Variants in PLCB1 observed in about 807,000 individuals in gnomAD.
PLCB1 encodes 1-phosphatidylinositol 4,5-bisphosphate phosphodiesterase beta-1.
A neutral mutation model predicts 161.8 loss-of-function variants in PLCB1; 46 were observed. The observed-to-expected ratio is 0.28, with a 90% confidence interval of 0.22 to 0.36. PLCB1 has a LOEUF of 0.36. Among genes scored for constraint, PLCB1 ranks in the 10% least tolerant of loss-of-function variants. PLCB1 has a pLI of 1.00. For synonymous variants in PLCB1, 517 were observed against 503.7 expected (o/e 1.03, Z -0.35); for missense variants, 1,016 against 1,472.5 (o/e 0.69, Z 5.07).
chr20:8,695,225 A>T (rs1357138423), intron 10 of PLCB1, among the ~76,000 whole-genome samples: 6 of 152,220 alleles, frequency 3.9e-5, no homozygotes, highest in Admixed American at 3.9e-4. Flanking sequence ...TAGAACTCAA[A>T]AATGTCATCC....
At chr20:8,492,703 G>T (rs953826256) in intron 3 of PLCB1, among the ~76,000 whole-genome samples, 2 of 152,058 alleles carry the variant, frequency 1.3e-5, no homozygotes, top group African/African-American at 4.8e-5. Flanking sequence ...GGAACTAAGA[G>T]TATCTGTCTG....
At chr20:8,881,441 A>G (rs754914412) in intron 31 of PLCB1, among the ~76,000 whole-genome samples, 181 bp from the exon 32 acceptor site, 2 of 152,090 alleles carry the variant, frequency 1.3e-5, no homozygotes, top group Non-Finnish European at 1.5e-5. Context: ...ACTTTCAGCT[A>G]CAGACAAATG....
chr20:8,641,386 C>T (rs1406891184), intron 4 of PLCB1, among the ~76,000 whole-genome samples: 1 of 152,230 alleles, frequency 6.6e-6, no homozygotes, highest in African/African-American at 2.4e-5. Flanking sequence ...TTCATTTACA[C>T]ATTCACTTAT....
At chr20:8,332,029 G>A (rs1985384906) in intron 2 of PLCB1, among the ~76,000 whole-genome samples, 1 of 152,188 alleles carries the variant, frequency 6.6e-6, no homozygotes, top group African/African-American at 2.4e-5. Context: ...ACCGTGAACT[G>A]GAAGATGTGA....
chr20:8,755,854 AGAT>A (rs1221171535), intron 23 of PLCB1, among the ~76,000 whole-genome samples: 1 of 152,242 alleles, frequency 6.6e-6, no homozygotes, highest in Admixed American at 6.5e-5. Context: ...AATTGTTTTC[AGAT>A]GATTAGCCTT....
intron 2 of PLCB1, among the ~76,000 whole-genome samples, chr20:8,360,263 G>A (rs1986493337): frequency 6.6e-6 from 1 of 152,166 alleles, no homozygotes; most frequent in Admixed American, 6.5e-5. Context: ...AGAAGCCAAA[G>A]GTAGTCAAAG....
At chr20:8,517,969 A>T (rs1325597668) in intron 3 of PLCB1, among the ~76,000 whole-genome samples, 3 of 152,070 alleles carry the variant, frequency 2.0e-5, no homozygotes, top group Admixed American at 6.5e-5. Flanking sequence ...GGATCATGAG[A>T]TCAAGAGATC....
chr20:8,218,159 A>G (rs1485699952), intron 2 of PLCB1, among the ~76,000 whole-genome samples: 1 of 152,142 alleles, frequency 6.6e-6, no homozygotes, highest in Non-Finnish European at 1.5e-5. Context: ...TGTTAGGGGC[A>G]TGTGCAGTGA....
intron 10 of PLCB1, among the ~76,000 whole-genome samples, chr20:8,697,272 AT>A (rs1383710005): frequency 9.9e-5 from 15 of 152,194 alleles, no homozygotes; most frequent in African/African-American, 1.4e-4. Context: ...CCATTTTATT[AT>A]GTGAAATGGG....
Position 8,843,123 on chromosome 20 carries a change from AT to A in PLCB1, c.3424-38497del, listed in dbSNP as rs1401399255. On this transcript the variant is annotated intron_variant, in intron 31 of 31. Coordinates refer to ENST00000338037, the MANE Select transcript of PLCB1 (RefSeq NM_015192.4). ...TACCAAAATATGTATTTGGATATAT[AT>A]TCTTTAATTGATGTTAACTTACACA... Among the ~76,000 whole-genome samples the A allele has an allele frequency of 7.9e-5, 12 of 152,364 alleles. No homozygotes were observed. The East Asian group carries it at 2.3e-3, about 29-fold the overall frequency.
At chr20:8,862,257 T>C (rs1193650232) in intron 31 of PLCB1, among the ~76,000 whole-genome samples, 4 of 152,244 alleles carry the variant, frequency 2.6e-5, no homozygotes, top group Non-Finnish European at 5.9e-5. Context: ...GTTCTTTCAC[T>C]TGAAATGTTA....
intron 2 of PLCB1, among the ~76,000 whole-genome samples, chr20:8,268,198 T>C (rs143568709): frequency 0.039 from 5,863 of 152,024 alleles, 370 homozygotes; most frequent in African/African-American, 0.13. Context: ...TTCCCACCTA[T>C]AAGTGAGAAC....
At chr20:8,855,826 G>A (rs907136641) in intron 31 of PLCB1, among the ~76,000 whole-genome samples, 4 of 152,122 alleles carry the variant, frequency 2.6e-5, no homozygotes, top group African/African-American at 9.7e-5. Flanking sequence ...CTTAAATTTT[G>A]TGGTCTTCAG....
chr20:8,562,568 A>G (rs1006985233), intron 3 of PLCB1, among the ~76,000 whole-genome samples: 1 of 152,108 alleles, frequency 6.6e-6, no homozygotes, highest in Non-Finnish European at 1.5e-5. Flanking sequence ...TTAACAATTG[A>G]TATTTGTGTG....
chr20:8,688,779 G>C (rs982248611), intron 10 of PLCB1, among the ~76,000 whole-genome samples: 11 of 152,198 alleles, frequency 7.2e-5, no homozygotes, highest in Non-Finnish European at 2.9e-5. Context: ...CAGGTAGTGT[G>C]ATGCTTCCAG....
intron 31 of PLCB1, among the ~76,000 whole-genome samples, chr20:8,870,232 C>T (rs932649302): frequency 2.6e-5 from 4 of 152,126 alleles, no homozygotes; most frequent in Non-Finnish European, 4.4e-5. Flanking sequence ...CAGCCATATC[C>T]TTGAGAAAGA....
intron 2 of PLCB1, among the ~76,000 whole-genome samples, chr20:8,336,483 A>T (rs1004402934): frequency 6.6e-6 from 1 of 152,162 alleles, no homozygotes; most frequent in East Asian, 1.9e-4. Flanking sequence ...GCTTGCCATG[A>T]GTACAATAGC....
At chr20:8,367,197 G>C (rs1206071627) in intron 2 of PLCB1, among the ~76,000 whole-genome samples, 1 of 152,152 alleles carries the variant, frequency 6.6e-6, no homozygotes, top group African/African-American at 2.4e-5. Context: ...CCAATATAAA[G>C]AAATGATAGT....
At chr20:8,294,380 C>G (rs958530192) in intron 2 of PLCB1, among the ~76,000 whole-genome samples, 3 of 151,874 alleles carry the variant, frequency 2.0e-5, no homozygotes, top group Non-Finnish European at 4.4e-5. Flanking sequence ...ATTTAAAAAT[C>G]TGACATTACC....
Sources: allele counts gnomAD v4.1 joint callset (sites outside exome capture counted in the v4.1 genomes callset), GRCh38; gene constraint gnomAD v4.1.1; transcripts MANE v1.5; gene names NCBI Gene and HGNC (gene_info 2026-07-23, HGNC 2026-07-21).